The following RABEPK variants were observed in gnomAD, a reference collection of about 807,000 sequenced individuals.
The protein encoded by RABEPK is Rab9 effector protein with kelch motifs.
A neutral mutation model predicts 34.1 loss-of-function variants in RABEPK; 27 were observed. The observed-to-expected ratio is 0.79, with a 90% CI of 0.58 to 1.09. The LOEUF (loss-of-function observed/expected upper bound fraction) is 1.09. RABEPK is among the 50% of genes least tolerant of loss of function. The pLI is 0.00. For synonymous variants in RABEPK, 172 were observed against 169.2 expected (o/e 1.02, Z -0.13); for missense variants, 449 against 462.6 (o/e 0.97, Z 0.27).
chr9:125,229,021 A>G (rs1055392211), intron 6 of RABEPK, among the ~76,000 whole-genome samples: 2 of 151,022 alleles, frequency 1.3e-5, no homozygotes, highest in African/African-American at 4.9e-5. Context: ...TGGGAGGCCA[A>G]GGCAGGTGGA....
In RABEPK at chr9:125,234,067, G is replaced by C. The variant is rs961049300; in HGVS notation, c.*87G>C. 1.6e-6 allele frequency: 2 copies of C among 1,285,482 alleles called. No homozygotes were observed. The highest frequency in any genetic ancestry group is 3.0e-5 in the African/African-American group (2 of 66,942). The allele number at this position is 1,285,482 out of a possible 1,614,324, so 79.6% of individuals were successfully genotyped here. ...GTTTTATACCTCCAAAATATCTTCT[G>C]CATTATATATCTGTTTTTCTCCTAC... On this transcript the variant is annotated 3_prime_UTR_variant, in exon 8 of 8. Coordinates refer to ENST00000373538, the MANE Select transcript of RABEPK (RefSeq NM_005833.4).
At chr9:125,211,711 A>AT (rs1830599503) in intron 3 of RABEPK, among the ~76,000 whole-genome samples, 1 of 152,080 alleles carries the variant, frequency 6.6e-6, no homozygotes, top group Non-Finnish European at 1.5e-5. Flanking sequence ...ACGAGGTGTA[A>AT]TCCCCCAGCA....
chr9:125,220,248 C>T (rs1408423678), intron 4 of RABEPK: 14 of 1,262,654 alleles, frequency 1.1e-5, no homozygotes, highest in Non-Finnish European at 1.3e-5. Flanking sequence ...GTGATCCGCC[C>T]GCCTTGGCCT....
At chr9:125,222,354 T>G (rs1376013853) in intron 5 of RABEPK, 1 of 152,072 alleles carries the variant, frequency 6.6e-6, no homozygotes, top group South Asian at 2.1e-4. Context: ...GTGTATGTAC[T>G]ATCACCCCAA....
At chr9:125,209,658 A>G (rs10986641) in intron 3 of RABEPK, among the ~76,000 whole-genome samples, 2,207 of 151,150 alleles carry the variant, frequency 0.015, 109 homozygotes, top group Admixed American at 0.083. Flanking sequence ...CCCCAACCTC[A>G]TTTCTTGGCT....
intron 3 of RABEPK, among the ~76,000 whole-genome samples, chr9:125,209,444 G>A (rs1196931643): frequency 1.3e-5 from 2 of 151,754 alleles, no homozygotes; most frequent in African/African-American, 4.8e-5. Context: ...CTGCCTACTG[G>A]GTTCAAGCGA....
chr9:125,220,703 A>G lies in RABEPK; in HGVS notation c.526+3A>G, dbSNP rs1372453016. 3.1e-6 allele frequency: 5 copies of G among 1,613,814 alleles called. 1 individual carries two copies. The Admixed American group carries it at 5.0e-5, about 16-fold the overall frequency. On this transcript the variant is annotated splice_donor_region_variant and intron_variant, in intron 5 of 7. Transcript: ENST00000373538. The stretch of plus-strand genomic sequence containing the variant: ...GAAGCTGCATGTGTTTGACGCAAGT[A>G]TGGACTGGTGGGCACCTTGGGGCTG...
rs1177755741 is a variant in RABEPK at position 125,200,706 on chromosome 9, C to G, written c.-207C>G. 1 of 471,222 alleles carries G rather than the reference C, an allele frequency of 2.1e-6. No homozygotes were observed. The highest frequency in any genetic ancestry group is 2.0e-5 in the African/African-American group (1 of 50,206). 29.2% of individuals were successfully genotyped at this position (471,222 alleles called of 1,614,324 possible). ...GCCGGGTGCAAAGAACGGGGAAGGG[C>G]CTTCCCTGGCTCCGTCCCGGCCACT... On this transcript the variant is annotated 5_prime_UTR_variant, in exon 1 of 8. Transcript: ENST00000373538.
At chr9:125,229,177 C>T (rs367997728) in intron 6 of RABEPK, among the ~76,000 whole-genome samples, 2 of 152,150 alleles carry the variant, frequency 1.3e-5, no homozygotes, top group South Asian at 2.1e-4. Context: ...TTGCTTGAGC[C>T]CAGGAGGCAG....
rs1441096860 is a variant in RABEPK at position 125,227,928 on chromosome 9, A to G, written c.545A>G (p.Gln182Arg). ...VFDANTLTWS[Q>R]PETLGNPPSP... The stretch of plus-strand genomic sequence containing the variant: ...TTTCTAGACACTCTGACCTGGTCAC[A>G]GCCAGAGACACTTGGAAATCCTCCA... The change falls in exon 6 of 8, where the codon CAG (glutamine) becomes CGG (arginine). Residue 182 changes from glutamine (Q) to arginine (R), a missense_variant. Transcript: ENST00000373538. 6.2e-7 allele frequency: 1 copy of G among 1,601,764 alleles called. No homozygotes were observed. Among genetic ancestry groups the G allele is most frequent in the Non-Finnish European group, 8.5e-7 (1 of 1,174,078 alleles).
At chr9:125,223,804 C>A (rs909584424) in intron 5 of RABEPK, among the ~76,000 whole-genome samples, 1 of 151,336 alleles carries the variant, frequency 6.6e-6, no homozygotes, top group Non-Finnish European at 1.5e-5. Flanking sequence ...AATTAAATTC[C>A]TTGGGACACT....
intron 3 of RABEPK, among the ~76,000 whole-genome samples, chr9:125,209,822 C>T (rs1830472274): frequency 6.6e-6 from 1 of 152,124 alleles, no homozygotes; most frequent in Admixed American, 6.6e-5. Context: ...TTTCAGATTT[C>T]AGATTAAATG....
chr9:125,220,116 A>G (rs1257357310), intron 4 of RABEPK, among the ~76,000 whole-genome samples: 1 of 151,858 alleles, frequency 6.6e-6, no homozygotes, highest in African/African-American at 2.4e-5. Context: ...CTCCTGCCTC[A>G]ACCTCCTGAG....
chr9:125,228,163 C>T, intron 6 of RABEPK, 104 bp downstream of exon 6: 1 of 1,055,230 alleles, frequency 9.5e-7, no homozygotes, highest in Non-Finnish European at 1.3e-6. Flanking sequence ...AGTGCGGTGG[C>T]ATGATCTCAG....
intron 2 of RABEPK, among the ~76,000 whole-genome samples, chr9:125,206,484 C>G (rs10986639): frequency 2.1e-5 from 3 of 145,292 alleles, no homozygotes; most frequent in Non-Finnish European, 4.5e-5. Flanking sequence ...GGCAACAGAG[C>G]GAGACTCCGT....
chr9:125,202,397 C>T lies in RABEPK; in HGVS notation c.-6-611C>T, dbSNP rs1010865828. 2.0e-5 allele frequency among the ~76,000 whole-genome samples: 3 copies of T among 151,292 alleles called. No individual in the cohort carries two copies. In the South Asian group the frequency reaches 6.3e-4, roughly 32 times the overall value. On this transcript the variant is annotated intron_variant, in intron 1 of 7. Coordinates refer to ENST00000373538, the MANE Select transcript of RABEPK (RefSeq NM_005833.4). ...AAATGAGCTGGGCGTGGGTGGGCAC[C>T]TGTAATCTCAGCTACTCAGGAGGCT...
At chr9:125,218,659 T>A (rs1170160310) in intron 4 of RABEPK, among the ~76,000 whole-genome samples, 1 of 152,212 alleles carries the variant, frequency 6.6e-6, no homozygotes, top group Non-Finnish European at 1.5e-5. Context: ...GATCTTGGTG[T>A]TACTGAAAGA....
intron 5 of RABEPK, chr9:125,222,418 C>T (rs572982120): frequency 7.3e-5 from 11 of 150,054 alleles, no homozygotes; most frequent in Non-Finnish European, 1.5e-4. Context: ...TTTTTAAGAA[C>T]AGAGATAATT....
At chr9:125,219,691 C>G (rs1332791865) in intron 4 of RABEPK, among the ~76,000 whole-genome samples, 1 of 151,902 alleles carries the variant, frequency 6.6e-6, no homozygotes, top group Non-Finnish European at 1.5e-5. Context: ...GCGTGAGCCA[C>G]TGCACCCCTG....
Sources: gnomAD v4.1 joint callset for allele counts (sites outside exome capture counted in the v4.1 genomes callset) on GRCh38, gnomAD v4.1.1 for gene constraint, MANE v1.5 for transcripts, NCBI Gene and HGNC (gene_info 2026-07-23, HGNC 2026-07-21) for gene names.